The following CA10 variants were observed in gnomAD, a reference collection of about 807,000 sequenced individuals.
CA10 encodes carbonic anhydrase-related protein 10.
In CA10, 14 loss-of-function variants were observed where a neutral mutation model predicts 44.2. The observed-to-expected ratio is 0.32, with a 90% CI of 0.21 to 0.50. CA10 has a LOEUF of 0.50. Ranked by LOEUF, CA10 falls within the 20% of genes least tolerant of loss-of-function variation. The pLI, the probability that CA10 is intolerant of heterozygous loss-of-function variation, is 0.99. For synonymous variants in CA10, 159 were observed against 141.6 expected (o/e 1.12, Z -0.87); for missense variants, 350 against 409.7 (o/e 0.85, Z 1.26).
At chr17:51,962,702 G>A (rs1052994300) in intron 2 of CA10, among the ~76,000 whole-genome samples, 1 of 152,150 alleles carries the variant, frequency 6.6e-6, no homozygotes, top group African/African-American at 2.4e-5. Flanking sequence ...CCCACAGGGA[G>A]TGGGGGGAAA....
In CA10 at chr17:52,106,255, C is replaced by T. The variant is rs373168720; in HGVS notation, c.62-33862G>A. Among the ~76,000 whole-genome samples the T allele has an allele frequency of 4.6e-5, 7 of 152,316 alleles. No individual in the cohort carries two copies. The South Asian group carries it at 1.2e-3, about 27-fold the overall frequency. On this transcript the variant is annotated intron_variant, in intron 1 of 8. Coordinates refer to ENST00000451037, the MANE Select transcript of CA10 (RefSeq NM_020178.5). ...GTGAAAGTCTTCCTGACCACGGGGC[C>T]ATTCATTCCGTTTCCAAATGCTGCA...
chr17:52,095,705 G>A (rs1025652869), intron 1 of CA10, among the ~76,000 whole-genome samples: 1 of 152,032 alleles, frequency 6.6e-6, no homozygotes, highest in African/African-American at 2.4e-5. Context: ...AAGCACACAC[G>A]AATTCAATAC....
chr17:51,989,116 T>C (rs1984947446), intron 2 of CA10, among the ~76,000 whole-genome samples: 1 of 151,526 alleles, frequency 6.6e-6, no homozygotes, highest in South Asian at 2.1e-4. Context: ...AGAATCTTAA[T>C]CCTTATCCTG....
chr17:52,101,214 T>C (rs940757711), intron 1 of CA10, among the ~76,000 whole-genome samples: 7 of 152,196 alleles, frequency 4.6e-5, no homozygotes, highest in Non-Finnish European at 1.0e-4. Context: ...CTAGGTGAGA[T>C]GCTGCAATGA....
At chr17:51,741,537 A>T (rs1213186184) in intron 4 of CA10, among the ~76,000 whole-genome samples, 1 of 152,190 alleles carries the variant, frequency 6.6e-6, no homozygotes, top group Non-Finnish European at 1.5e-5. Flanking sequence ...TGGAGGCAAC[A>T]TACTTTAGAA....
intron 3 of CA10, among the ~76,000 whole-genome samples, chr17:51,859,398 G>A (rs1567863802): frequency 6.6e-6 from 1 of 152,102 alleles, no homozygotes; most frequent in Non-Finnish European, 1.5e-5. Flanking sequence ...GTATGTTAAT[G>A]TCTCCCCAGT....
chr17:51,961,641 T>A (rs1474491484), intron 2 of CA10, among the ~76,000 whole-genome samples: 5 of 152,164 alleles, frequency 3.3e-5, no homozygotes. Context: ...CTCACAGGCA[T>A]TAAAATGATA....
chr17:51,759,547 T>C (rs2188313), intron 3 of CA10, among the ~76,000 whole-genome samples: 59,247 of 150,696 alleles, frequency 0.39, 12,662 homozygotes, highest in Middle Eastern at 0.51. Context: ...TATTTACCAG[T>C]CTTGATTCCT....
At chr17:51,818,848 C>T (rs1015118893) in intron 3 of CA10, among the ~76,000 whole-genome samples, 6 of 152,216 alleles carry the variant, frequency 3.9e-5, no homozygotes, top group Non-Finnish European at 8.8e-5. Flanking sequence ...CCTTACCTCA[C>T]GGGTGTCAAG....
rs187320820 is a variant in CA10, at chr17:52,092,117, C to A, written c.62-19724G>T. On this transcript the variant is annotated intron_variant, in intron 1 of 8. Transcript: ENST00000451037. Reference sequence around the variant, plus strand: ...TGTCCCTGTCTCCTTCTGACTCTCTCCTTTGTCTGTTTCTCCCTCTTCGTG... The same window carrying A: ...TGTCCCTGTCTCCTTCTGACTCTCTACTTTGTCTGTTTCTCCCTCTTCGTG... Among the ~76,000 whole-genome samples, 179 of 152,240 alleles carry A rather than the reference C, an allele frequency of 1.2e-3. 1 individual carries two copies. Among genetic ancestry groups the A allele is most frequent in the Admixed American group, 0.011 (172 of 15,284 alleles).
At chr17:52,016,687 T>C (rs540861343) in intron 2 of CA10, among the ~76,000 whole-genome samples, 1 of 152,030 alleles carries the variant, frequency 6.6e-6, no homozygotes, top group Non-Finnish European at 1.5e-5. Flanking sequence ...CTGAGGTGGA[T>C]AGATCACTTT....
chr17:51,813,425 C>T (rs1907449709), intron 3 of CA10, among the ~76,000 whole-genome samples: 1 of 152,360 alleles, frequency 6.6e-6, no homozygotes, highest in South Asian at 2.1e-4. Flanking sequence ...AGGGGCCACG[C>T]CTGTGCTTAC....
At chr17:52,116,740 G>A (rs1988906307) in intron 1 of CA10, among the ~76,000 whole-genome samples, 1 of 152,208 alleles carries the variant, frequency 6.6e-6, no homozygotes, top group Non-Finnish European at 1.5e-5. Flanking sequence ...GAACCCAGAA[G>A]CCTGACATGC....
chr17:52,097,115 A>C (rs958291985), intron 1 of CA10, among the ~76,000 whole-genome samples: 2 of 151,910 alleles, frequency 1.3e-5, no homozygotes, highest in African/African-American at 4.8e-5. Flanking sequence ...TCCCATTTTT[A>C]AAAAATCTAG....
At chr17:51,967,874 C>T (rs536750248) in intron 2 of CA10, among the ~76,000 whole-genome samples, 3 of 151,514 alleles carry the variant, frequency 2.0e-5, no homozygotes, top group Admixed American at 6.6e-5. Context: ...AGATAGAATA[C>T]GAAAAATGGC....
intron 2 of CA10, among the ~76,000 whole-genome samples, chr17:51,956,084 T>A (rs972571754): frequency 2.6e-5 from 4 of 152,194 alleles, no homozygotes; most frequent in African/African-American, 4.8e-5. Context: ...AAATATTTTA[T>A]AGAAAAGCAT....
chr17:52,132,295 T>C (rs1403792480), intron 1 of CA10, among the ~76,000 whole-genome samples: 1 of 151,992 alleles, frequency 6.6e-6, no homozygotes. Context: ...AGAGAGATGG[T>C]TTGACTGGAG....
chr17:51,767,976 A>C (rs1368800599), intron 3 of CA10, among the ~76,000 whole-genome samples: 1 of 151,986 alleles, frequency 6.6e-6, no homozygotes, highest in African/African-American at 2.4e-5. Context: ...TAAACTACAG[A>C]CTTTATTTGG....
At chr17:51,712,219 A>G (rs1365666293) in intron 4 of CA10, among the ~76,000 whole-genome samples, 1 of 152,156 alleles carries the variant, frequency 6.6e-6, no homozygotes, top group Non-Finnish European at 1.5e-5. Flanking sequence ...TGCCCTTTCT[A>G]CGCATTTCAC....
Sources: gnomAD v4.1 joint callset for allele counts (sites outside exome capture counted in the v4.1 genomes callset) on GRCh38, gnomAD v4.1.1 for gene constraint, MANE v1.5 for transcripts, NCBI Gene and HGNC (gene_info 2026-07-23, HGNC 2026-07-21) for gene names.